Variants in MEF2C observed in about 807,000 individuals in gnomAD.
MEF2C encodes myocyte-specific enhancer factor 2C.
A neutral mutation model predicts 50.5 loss-of-function variants in MEF2C; 6 were observed. The ratio of observed to expected loss-of-function variants is 0.12; its 90% CI spans 0.07 to 0.23. The LOEUF (loss-of-function observed/expected upper bound fraction) is 0.23. Among genes scored for constraint, MEF2C ranks in the 10% least tolerant of loss-of-function variants. The pLI is 1.00. For missense variants in MEF2C, 276 were observed against 605.0 expected (o/e 0.46, Z 5.70); for synonymous variants, 183 against 228.0 (o/e 0.80, Z 1.78).
At position 88,774,336 on chromosome 5, in the gene MEF2C, C is replaced by T. The variant is rs893552204; in HGVS notation, c.259-13008G>A. Among the ~76,000 whole-genome samples, 12 of 144,486 alleles carry T rather than the reference C, an allele frequency of 8.3e-5. No individual in the cohort carries two copies. In the East Asian group the frequency reaches 1.4e-3, roughly 17 times the overall value. 94.8% of individuals were successfully genotyped at this position (144,486 alleles called of 152,430 possible). ...CTTTTCTGCAAATAAGTTTCTACCT[C>T]TTTTTTTTTTTTTTCTCGCTCTGTC... On this transcript the variant is annotated intron_variant, in intron 3 of 10. Transcript: ENST00000504921.
At chr5:88,774,760 A>C (rs914879968) in intron 3 of MEF2C, among the ~76,000 whole-genome samples, 2 of 152,226 alleles carry the variant, frequency 1.3e-5, no homozygotes, top group Non-Finnish European at 2.9e-5. Flanking sequence ...CTGATGAAAG[A>C]AAGTTTGATA....
At position 88,732,667 on chromosome 5, in the gene MEF2C, A is replaced by T. The variant is rs547504756; in HGVS notation, c.638-766T>A. On this transcript the variant is annotated intron_variant, in intron 6 of 10. Transcript: ENST00000504921. ...GATGTTCAGTATCCTACTAACAGAAAAGTGGGTATCCCAAGGTCTGCGTTT... is the reference window on the plus strand; with the variant it reads ...GATGTTCAGTATCCTACTAACAGAATAGTGGGTATCCCAAGGTCTGCGTTT... The T allele has an allele frequency of 1.2e-4, 19 of 152,326 alleles. No individual in the cohort carries two copies. The East Asian group carries it at 3.3e-3, about 26-fold the overall frequency. 9.4% of individuals were successfully genotyped at this position (152,326 alleles called of 1,614,324 possible). A position where few individuals can be genotyped will look rare whatever the true frequency, so the allele number is the denominator to read the frequency against.
chr5:88,878,844 A>G (rs1045544288), intron 1 of MEF2C, among the ~76,000 whole-genome samples: 1 of 152,058 alleles, frequency 6.6e-6, no homozygotes, highest in African/African-American at 2.4e-5. Flanking sequence ...ACCCAACTGT[A>G]TAATTCCCAG....
chr5:88,769,864 T>C (rs965075794), intron 3 of MEF2C: 2 of 688,974 alleles, frequency 2.9e-6, no homozygotes, highest in African/African-American at 3.9e-5. Flanking sequence ...CAGGCTGGTC[T>C]TGAACTCTTG....
chr5:88,797,530 C>T (rs1316484920), intron 3 of MEF2C, among the ~76,000 whole-genome samples: 1 of 131,264 alleles, frequency 7.6e-6, no homozygotes, highest in Non-Finnish European at 1.5e-5. Flanking sequence ...TATTTTGAGC[C>T]TATGTGTGTC....
intron 1 of MEF2C, among the ~76,000 whole-genome samples, chr5:88,862,784 G>T (rs540056520): frequency 6.6e-6 from 1 of 152,172 alleles, no homozygotes; most frequent in Non-Finnish European, 1.5e-5. Flanking sequence ...GGGCGCTGAG[G>T]AGGAGTATGT....
At chr5:88,724,908 T>C (rs2152096331) in intron 10 of MEF2C, among the ~76,000 whole-genome samples, 1 of 152,190 alleles carries the variant, frequency 6.6e-6, no homozygotes, top group Middle Eastern at 3.4e-3. Flanking sequence ...TGAATATGAA[T>C]TAGGAGTCTG....
At chr5:88,818,041 GGAT>G (rs1343741196) in intron 2 of MEF2C, among the ~76,000 whole-genome samples, 1 of 151,884 alleles carries the variant, frequency 6.6e-6, no homozygotes, top group African/African-American at 2.4e-5. Flanking sequence ...TCCCACCAAA[GGAT>G]GACTACAGTT....
At chr5:88,863,531 A>C (rs1826198311) in intron 1 of MEF2C, among the ~76,000 whole-genome samples, 1 of 152,236 alleles carries the variant, frequency 6.6e-6, no homozygotes, top group Non-Finnish European at 1.5e-5. Flanking sequence ...TATACAATAC[A>C]TTATTATTAA....
chr5:88,882,866 T>TA (rs1028483381), intron 1 of MEF2C, 89 bp downstream of exon 1: 7 of 151,910 alleles, frequency 4.6e-5, no homozygotes. Flanking sequence ...CAGGGATAGA[T>TA]AGACACAGTG....
chr5:88,817,913 T>G (rs963109813), intron 2 of MEF2C: 2 of 151,946 alleles, frequency 1.3e-5, no homozygotes, highest in African/African-American at 4.8e-5. Flanking sequence ...CTTCCTAATA[T>G]AACAGATTTC....
chr5:88,895,797 T>C (rs1314103411), intron 1 of MEF2C, among the ~76,000 whole-genome samples: 1 of 151,382 alleles, frequency 6.6e-6, no homozygotes, highest in Non-Finnish European at 1.5e-5. Context: ...CTTTCATCCC[T>C]CAGCCGCCCC....
At chr5:88,782,106 G>C in intron 3 of MEF2C, 1 of 962,546 alleles carries the variant, frequency 1.0e-6, no homozygotes. Context: ...TACTTCATTA[G>C]GAACTTCTAA....
chr5:88,734,679 G>C, intron 6 of MEF2C: 1 of 981,400 alleles, frequency 1.0e-6, no homozygotes, highest in Non-Finnish European at 1.2e-6. Context: ...GTGATTCAGG[G>C]CAGCAGTAGG....
chr5:88,759,317 T>C (rs572573948), intron 4 of MEF2C, among the ~76,000 whole-genome samples: 4 of 152,284 alleles, frequency 2.6e-5, no homozygotes, highest in African/African-American at 9.6e-5. Flanking sequence ...ATTCCATCTC[T>C]ACTAAAAATA....
intron 1 of MEF2C, among the ~76,000 whole-genome samples, chr5:88,842,870 C>T (rs1474525924): frequency 6.6e-6 from 1 of 152,136 alleles, no homozygotes; most frequent in African/African-American, 2.4e-5. Context: ...AGAAAAACAA[C>T]TTTTTCTTTT....
At chr5:88,735,579 T>A (rs961408029) in intron 6 of MEF2C, 1 of 973,642 alleles carries the variant, frequency 1.0e-6, no homozygotes, top group Non-Finnish European at 1.2e-6. Context: ...AAATAACAAA[T>A]TTAAGCATAT....
intron 3 of MEF2C, among the ~76,000 whole-genome samples, chr5:88,789,138 AT>A (rs1792495587): frequency 6.6e-6 from 1 of 151,892 alleles, no homozygotes; most frequent in African/African-American, 2.4e-5. Flanking sequence ...ATAAGTTACT[AT>A]TATTAATTCA....
chr5:88,785,091 T>A (rs1790175680), intron 3 of MEF2C, among the ~76,000 whole-genome samples: 1 of 152,110 alleles, frequency 6.6e-6, no homozygotes, highest in Admixed American at 6.6e-5. Flanking sequence ...CCATCAATTA[T>A]CGTCTTTTGT....
Sources: allele counts gnomAD v4.1 joint callset (sites outside exome capture counted in the v4.1 genomes callset), GRCh38; gene constraint gnomAD v4.1.1; transcripts MANE v1.5; gene names NCBI Gene and HGNC (gene_info 2026-07-23, HGNC 2026-07-21).